PDCD4: variants seen among roughly 807,000 people sequenced by gnomAD.
PDCD4 encodes programmed cell death protein 4.
A neutral mutation model predicts 54.0 loss-of-function variants in PDCD4; 56 were observed. The ratio of observed to expected loss-of-function variants is 1.04; its 90% CI spans 0.84 to 1.30. The LOEUF is 1.30. PDCD4 is among the 50% of genes most tolerant of loss of function. The probability of loss-of-function intolerance (pLI) is 0.00; values close to 1 mark genes in which losing one functional copy is unlikely to be tolerated. For synonymous variants in PDCD4, 186 were observed against 194.8 expected (o/e 0.95, Z 0.37); for missense variants, 584 against 559.8 (o/e 1.04, Z -0.44).
chr10:110,897,804 G>A (rs1845865967), intron 11 of PDCD4, among the ~76,000 whole-genome samples: 1 of 151,310 alleles, frequency 6.6e-6, no homozygotes, highest in Non-Finnish European at 1.5e-5. Flanking sequence ...TTTGGATAGT[G>A]AACTTATTAA....
chr10:110,897,568 A>C (rs904351126), intron 11 of PDCD4, among the ~76,000 whole-genome samples: 38 of 152,314 alleles, frequency 2.5e-4, no homozygotes, highest in Non-Finnish European at 4.9e-4. Context: ...TCCACATTCA[A>C]GTTATGGCTT....
intron 1 of PDCD4, among the ~76,000 whole-genome samples, chr10:110,872,497 C>T (rs1401574033): frequency 6.6e-6 from 1 of 152,220 alleles, no homozygotes; most frequent in Non-Finnish European, 1.5e-5. Context: ...ATGCGGCCCC[C>T]TGTCCTTCGT....
chr10:110,897,355 A>T (rs1028679184), intron 11 of PDCD4, among the ~76,000 whole-genome samples: 1 of 152,152 alleles, frequency 6.6e-6, no homozygotes, highest in African/African-American at 2.4e-5. Flanking sequence ...GCTTGTGCCT[A>T]TTGGCCTGGG....
At chr10:110,892,544 CAA>C (rs1845771543) in intron 8 of PDCD4, among the ~76,000 whole-genome samples, 2 of 152,188 alleles carry the variant, frequency 1.3e-5, no homozygotes, top group East Asian at 1.9e-4. Flanking sequence ...AGTTATGTAA[CAA>C]ATGTTAAAAG....
intron 1 of PDCD4, among the ~76,000 whole-genome samples, chr10:110,872,506 G>C (rs1425329410): frequency 1.3e-5 from 2 of 152,142 alleles, no homozygotes; most frequent in African/African-American, 2.4e-5. Flanking sequence ...CCTGTCCTTC[G>C]TGAACCCGGA....
intron 5 of PDCD4, 136 bp from the exon 6 acceptor site, chr10:110,887,529 T>C: frequency 1.6e-6 from 1 of 606,152 alleles, no homozygotes; most frequent in Non-Finnish European, 2.9e-6. Flanking sequence ...AAAACATGAC[T>C]GGGTCTTTTG....
chr10:110,890,573 C>T lies in PDCD4; in HGVS notation c.893C>T (p.Ala298Val). 6.2e-7 allele frequency: 1 copy of T among 1,611,998 alleles called. No homozygotes were observed. Among genetic ancestry groups the T allele is most frequent in the Non-Finnish European group, 8.5e-7 (1 of 1,178,450 alleles). ...CVQARAALDK[A>V]TVLLSMSKGG... ...CTCTGTAGAGCTGCTCTGGATAAGGCTACCGTGCTTCTGAGTATGTCTAAA... is the reference window on the plus strand; with the variant it reads ...CTCTGTAGAGCTGCTCTGGATAAGGTTACCGTGCTTCTGAGTATGTCTAAA... Residue 298 changes from alanine (A) to valine (V), a missense_variant, in exon 8 of 12, where the codon GCT (alanine) becomes GTT (valine). Ala to Val is a moderately conservative substitution (Grantham distance 64). Coordinates refer to ENST00000280154, the MANE Select transcript of PDCD4 (RefSeq NM_014456.5).
intron 11 of PDCD4, among the ~76,000 whole-genome samples, chr10:110,897,773 A>G (rs913196592): frequency 6.6e-6 from 1 of 151,962 alleles, no homozygotes; most frequent in Non-Finnish European, 1.5e-5. Flanking sequence ...GTTTGAGTCA[A>G]CTTTTTTTAA....
rs890455805 is a variant in PDCD4 at position 110,898,016 on chromosome 10, T to C, written c.1350-12T>C. 10 of 1,569,138 alleles carry C rather than the reference T, an allele frequency of 6.4e-6. No individual in the cohort carries two copies. Among genetic ancestry groups the C allele is most frequent in the East Asian group, 2.3e-5 (1 of 44,182 alleles). On this transcript the variant is annotated splice_polypyrimidine_tract_variant and intron_variant, in intron 11 of 11. Coordinates refer to ENST00000280154, the MANE Select transcript of PDCD4 (RefSeq NM_014456.5). ...GTATCTGTTTTCATGTCTTTTTTTT[T>C]CTTCATTACAGGGGCAGAAAGCGTT...
chr10:110,886,564 T>C (rs1845672749), intron 5 of PDCD4, among the ~76,000 whole-genome samples: 1 of 152,166 alleles, frequency 6.6e-6, no homozygotes, highest in South Asian at 2.1e-4. Context: ...TTAAAGATTC[T>C]AAGAAAACTT....
At chr10:110,877,810 A>C (rs372916971) in intron 2 of PDCD4, among the ~76,000 whole-genome samples, 1 of 152,206 alleles carries the variant, frequency 6.6e-6, no homozygotes, top group African/African-American at 2.4e-5. Flanking sequence ...GAAGTAGGTT[A>C]TTCTGACCTT....
At chr10:110,895,402 C>T (rs1018466822) in intron 10 of PDCD4, among the ~76,000 whole-genome samples, 1 of 152,096 alleles carries the variant, frequency 6.6e-6, no homozygotes, top group African/African-American at 2.4e-5. Flanking sequence ...CTGCAAAGGA[C>T]ATGATTTTGT....
chr10:110,889,431 C>T (rs965186432), intron 6 of PDCD4, 102 bp from the exon 7 acceptor site: 14 of 737,084 alleles, frequency 1.9e-5, no homozygotes, highest in African/African-American at 1.3e-4. Context: ...TAGGTACTGA[C>T]TGTGTACTTC....
chr10:110,891,892 T>A (rs543926734), intron 8 of PDCD4, among the ~76,000 whole-genome samples: 1 of 152,082 alleles, frequency 6.6e-6, no homozygotes, highest in African/African-American at 2.4e-5. Flanking sequence ...GGCATCCAGA[T>A]TGGAAAGGAG....
At chr10:110,875,155 A>G (rs1373291989) in intron 1 of PDCD4, among the ~76,000 whole-genome samples, 2 of 152,150 alleles carry the variant, frequency 1.3e-5, no homozygotes, top group African/African-American at 4.8e-5. Flanking sequence ...TCTTTCATAT[A>G]ACATTATTGG....
chr10:110,875,930 A>G (rs1273984014), intron 1 of PDCD4, 36 bp from the exon 2 acceptor site: 3 of 970,110 alleles, frequency 3.1e-6, no homozygotes, highest in Non-Finnish European at 4.7e-6. Flanking sequence ...AGTTTAAAAG[A>G]TCTTGAAGCT....
chr10:110,876,585 CTAGT>C, intron 2 of PDCD4: 1 of 412,802 alleles, frequency 2.4e-6, no homozygotes, highest in Non-Finnish European at 4.4e-6. Flanking sequence ...TTCACATGGG[CTAGT>C]TAGTGATTTC....
chr10:110,884,995 T>C (rs538257576), intron 4 of PDCD4: 31 of 271,102 alleles, frequency 1.1e-4, no homozygotes, highest in African/African-American at 6.2e-4. Context: ...AGGGTCTTGC[T>C]ATGTTTCCCA....
intron 2 of PDCD4, among the ~76,000 whole-genome samples, chr10:110,877,181 C>T (rs555795052): frequency 3.3e-5 from 5 of 152,218 alleles, no homozygotes; most frequent in Admixed American, 2.6e-4. Flanking sequence ...ATAATATGTA[C>T]CTACTTAATT....
Sources: gnomAD v4.1 joint callset for allele counts (sites outside exome capture counted in the v4.1 genomes callset) on GRCh38, gnomAD v4.1.1 for gene constraint, MANE v1.5 for transcripts, NCBI Gene and HGNC (gene_info 2026-07-23, HGNC 2026-07-21) for gene names.